NRXN3: variants seen among roughly 807,000 people sequenced by gnomAD.
NRXN3 encodes neurexin 3, also known as neurexin III.
In NRXN3, 32 loss-of-function variants were observed where a neutral mutation model predicts 137.6. That is an observed-to-expected ratio of 0.23 (90% CI 0.18 to 0.31). NRXN3 has a LOEUF of 0.31. NRXN3 is among the 10% of genes least tolerant of loss of function. The pLI, the probability that NRXN3 is intolerant of heterozygous loss-of-function variation, is 1.00. For synonymous variants in NRXN3, 798 were observed against 784.5 expected (o/e 1.02, Z -0.29); for missense variants, 1,574 against 2,062.5 (o/e 0.76, Z 4.59).
At chr14:78,347,535 A>G (rs142512048) in intron 4 of NRXN3, among the ~76,000 whole-genome samples, 1 of 152,210 alleles carries the variant, frequency 6.6e-6, no homozygotes, top group Non-Finnish European at 1.5e-5. Context: ...TCCCCTACCC[A>G]TATTCCCATT....
At chr14:79,710,199 C>T (rs1412065233) in intron 19 of NRXN3, among the ~76,000 whole-genome samples, 1 of 151,900 alleles carries the variant, frequency 6.6e-6, no homozygotes, top group Non-Finnish European at 1.5e-5. Flanking sequence ...TTTATTGAGT[C>T]TCTGTCTGCT....
chr14:79,462,691 A>G (rs8003192), intron 15 of NRXN3, among the ~76,000 whole-genome samples: 5,597 of 151,610 alleles, frequency 0.037, 179 homozygotes, highest in Middle Eastern at 0.076. Context: ...GTATTTTAGT[A>G]CTTTTATTAA....
chr14:79,284,118 T>C (rs2081767040), intron 15 of NRXN3, among the ~76,000 whole-genome samples: 1 of 151,628 alleles, frequency 6.6e-6, no homozygotes, highest in African/African-American at 2.4e-5. Context: ...TATATTTGTT[T>C]ACCAAGCTTT....
At chr14:79,805,320 C>A in intron 20 of NRXN3, 130 bp downstream of exon 20, 1 of 452,004 alleles carries the variant, frequency 2.2e-6, no homozygotes, top group Non-Finnish European at 3.9e-6. Flanking sequence ...ATTTTTATAT[C>A]TATATATGTA....
At chr14:79,326,454 A>C (rs139700445) in intron 15 of NRXN3, among the ~76,000 whole-genome samples, 10 of 152,298 alleles carry the variant, frequency 6.6e-5, no homozygotes, top group African/African-American at 2.4e-4. Context: ...CACAGGTCTG[A>C]ATTCAGAGAC....
chr14:78,684,650 T>A (rs999728774), intron 6 of NRXN3, among the ~76,000 whole-genome samples: 3 of 151,870 alleles, frequency 2.0e-5, no homozygotes, highest in Non-Finnish European at 4.4e-5. Context: ...CAAAATTAGC[T>A]GGGCATGGTG....
At chr14:79,784,736 C>T (rs949979197) in intron 19 of NRXN3, among the ~76,000 whole-genome samples, 5 of 150,320 alleles carry the variant, frequency 3.3e-5, no homozygotes, top group African/African-American at 1.2e-4. Flanking sequence ...AAGTATGTTC[C>T]AGCTGGGAGT....
At chr14:78,909,386 G>A (rs1423824543) in intron 10 of NRXN3, among the ~76,000 whole-genome samples, 1 of 152,116 alleles carries the variant, frequency 6.6e-6, no homozygotes, top group African/African-American at 2.4e-5. Context: ...CTTTCTGAAC[G>A]TCCAAATAAG....
At chr14:78,564,314 G>A (rs977531598) in intron 4 of NRXN3, among the ~76,000 whole-genome samples, 2 of 152,100 alleles carry the variant, frequency 1.3e-5, no homozygotes, top group Admixed American at 1.3e-4. Flanking sequence ...ATAGTGTTTG[G>A]CTCTGTCAAG....
intron 8 of NRXN3, among the ~76,000 whole-genome samples, chr14:78,726,209 A>G (rs1056711795): frequency 1.3e-5 from 2 of 151,918 alleles, no homozygotes; most frequent in Non-Finnish European, 2.9e-5. Flanking sequence ...TTTTTATTAT[A>G]CTTTAAGTTC....
At chr14:78,608,432 GT>G (rs1242065182) in intron 4 of NRXN3, among the ~76,000 whole-genome samples, 1 of 152,060 alleles carries the variant, frequency 6.6e-6, no homozygotes. Context: ...TCTCTTTACT[GT>G]TTTCACATAA....
At chr14:79,075,100 C>A (rs1192928670) in intron 15 of NRXN3, among the ~76,000 whole-genome samples, 1 of 152,176 alleles carries the variant, frequency 6.6e-6, no homozygotes, top group African/African-American at 2.4e-5. Flanking sequence ...AACTAAAAAT[C>A]AAATGGTGTC....
chr14:78,924,347 G>A (rs946317547), intron 10 of NRXN3, among the ~76,000 whole-genome samples: 14 of 152,130 alleles, frequency 9.2e-5, no homozygotes, highest in African/African-American at 1.9e-4. Context: ...GTGCAAACCC[G>A]ATAACACCCA....
intron 16 of NRXN3, among the ~76,000 whole-genome samples, chr14:79,491,071 T>A (rs771649071): frequency 2.0e-5 from 3 of 152,178 alleles, no homozygotes; most frequent in Non-Finnish European, 4.4e-5. Context: ...TATGTGAGTA[T>A]GTGCGTGTGT....
intron 15 of NRXN3, among the ~76,000 whole-genome samples, chr14:79,443,997 G>A (rs1183307101): frequency 2.0e-5 from 3 of 152,162 alleles, no homozygotes; most frequent in Non-Finnish European, 4.4e-5. Flanking sequence ...AAGGGAGGAG[G>A]AGGAAAGTAG....
At chr14:78,323,010 T>G (rs116451455) in intron 4 of NRXN3, among the ~76,000 whole-genome samples, 1,640 of 152,018 alleles carry the variant, frequency 0.011, 58 homozygotes, top group African/African-American at 0.038. Flanking sequence ...TTACTCCTTA[T>G]GGCCACCATA....
At chr14:79,766,704 C>A (rs982311063) in intron 19 of NRXN3, among the ~76,000 whole-genome samples, 2 of 152,176 alleles carry the variant, frequency 1.3e-5, no homozygotes, top group African/African-American at 4.8e-5. Context: ...TACATGAGTT[C>A]ATTTGTGCTG....
intron 2 of NRXN3, among the ~76,000 whole-genome samples, chr14:78,264,277 C>A (rs1044597681): frequency 2.6e-5 from 4 of 152,134 alleles, no homozygotes; most frequent in Admixed American, 2.6e-4. Flanking sequence ...TGCTTCCCAA[C>A]CCCTCTGCTG....
chr14:79,060,772 C>G (rs2099673247), intron 15 of NRXN3, among the ~76,000 whole-genome samples: 2 of 151,518 alleles, frequency 1.3e-5, no homozygotes, highest in African/African-American at 4.9e-5. Flanking sequence ...ATTCCTCCCT[C>G]TTTTTTTTTC....
Sources: allele counts gnomAD v4.1 joint callset (sites outside exome capture counted in the v4.1 genomes callset), GRCh38; gene constraint gnomAD v4.1.1; transcripts MANE v1.5; gene names NCBI Gene and HGNC (gene_info 2026-07-23, HGNC 2026-07-21).